Variants in MED12L observed in about 807,000 individuals in gnomAD.
MED12L encodes mediator of RNA polymerase II transcription subunit 12-like protein.
A neutral mutation model predicts 281.3 loss-of-function variants in MED12L; 60 were observed. That is an observed-to-expected ratio of 0.21 (90% CI 0.17 to 0.26). MED12L has a LOEUF of 0.26. Ranked by LOEUF, MED12L falls within the 10% of genes least tolerant of loss-of-function variation. The pLI is 1.00. For missense variants in MED12L, 2,146 were observed against 2,680.9 expected (o/e 0.80, Z 4.41); for synonymous variants, 974 against 987.2 (o/e 0.99, Z 0.25).
intron 5 of MED12L, among the ~76,000 whole-genome samples, chr3:151,134,990 G>A (rs772808943): frequency 1.3e-5 from 2 of 152,040 alleles, no homozygotes; most frequent in Non-Finnish European, 2.9e-5. Context: ...TCAGTTTCTT[G>A]TCTGTAAAAA....
chr3:151,288,752 T>C (rs1219610528), intron 16 of MED12L, among the ~76,000 whole-genome samples: 2 of 152,236 alleles, frequency 1.3e-5, no homozygotes, highest in Non-Finnish European at 2.9e-5. Flanking sequence ...TTTAGTTAAA[T>C]AATACCAGTC....
Position 151,245,302 on chromosome 3 carries a change from C to T in MED12L, c.2250+51636C>T, listed in dbSNP as rs1010303972. The stretch of plus-strand genomic sequence containing the variant: ...GCATCATTCTGATACCAAAGCTGGG[C>T]AGAGACACAACCAACAAAGAGAATT... On this transcript the variant is annotated intron_variant, in intron 16 of 44. Coordinates refer to ENST00000687756, the MANE Select transcript of MED12L (RefSeq NM_001393769.1). Among the ~76,000 whole-genome samples the T allele has an allele frequency of 5.9e-5, 9 of 151,984 alleles. No individual in the cohort carries two copies. The South Asian group carries it at 1.7e-3, about 28-fold the overall frequency.
chr3:151,375,877 A>G (rs879821356), intron 27 of MED12L, 149 bp from the exon 28 acceptor site: 1 of 468,974 alleles, frequency 2.1e-6, no homozygotes, highest in African/African-American at 2.0e-5. Flanking sequence ...GTTTTTTAAA[A>G]TTTTTCTACC....
At position 151,116,498 on chromosome 3, in the gene MED12L, C is replaced by T. The variant is rs140837871; in HGVS notation, c.204+56C>T. On this transcript the variant is annotated intron_variant, in intron 3 of 44. Coordinates refer to ENST00000687756, the MANE Select transcript of MED12L (RefSeq NM_001393769.1). ...CTGAAAAAGTGTGTATATGTGACAC[C>T]CTTAATAATCACTGTTGATAAATTA... The T allele has an allele frequency of 6.0e-5, 64 of 1,066,334 alleles. No individual in the cohort carries two copies. The African/African-American group carries it at 6.1e-4, about 10-fold the overall frequency. 66.1% of individuals were successfully genotyped at this position (1,066,334 alleles called of 1,614,324 possible).
chr3:151,195,068 C>T (rs1576935287), intron 16 of MED12L, among the ~76,000 whole-genome samples: 8 of 152,102 alleles, frequency 5.3e-5, no homozygotes, highest in Admixed American at 5.2e-4. Flanking sequence ...GAGGCTGAGG[C>T]AGGAGAATGG....
rs976262305 is a variant in MED12L at position 151,205,377 on chromosome 3, A to G, written c.2250+11711A>G. 3.3e-5 allele frequency among the ~76,000 whole-genome samples: 5 copies of G among 152,362 alleles called. No homozygotes were observed. The East Asian group carries it at 9.6e-4, about 29-fold the overall frequency. ...AAAAATTAAAGCTAAATTGTCCACC[A>G]AGTTATGAATTGAGAAAGAAAATAT... On this transcript the variant is annotated intron_variant, in intron 16 of 44. Coordinates refer to ENST00000687756, the MANE Select transcript of MED12L (RefSeq NM_001393769.1).
chr3:151,328,625 T>C (rs758720888), intron 16 of MED12L: 4 of 1,613,822 alleles, frequency 2.5e-6, no homozygotes, highest in South Asian at 2.2e-5. Flanking sequence ...TCTGATGATC[T>C]TGAGGAATCT....
chr3:151,344,163 A>G (rs1196305540), intron 16 of MED12L, among the ~76,000 whole-genome samples: 2 of 152,058 alleles, frequency 1.3e-5, no homozygotes, highest in African/African-American at 2.4e-5. Flanking sequence ...TTGCAAGAAG[A>G]GGACTAGTAG....
At chr3:151,397,500 A>G (rs116430299) in intron 39 of MED12L, among the ~76,000 whole-genome samples, 19 of 152,350 alleles carry the variant, frequency 1.2e-4, no homozygotes, top group African/African-American at 3.8e-4. Context: ...TTTCCTCTCA[A>G]TAGATCATGT....
At chr3:151,390,258 C>T in intron 38 of MED12L, 123 bp downstream of exon 38, 2 of 861,356 alleles carry the variant, frequency 2.3e-6, no homozygotes, top group South Asian at 3.5e-5. Flanking sequence ...GTTGACATTT[C>T]TGTAATTCCC....
Position 151,159,986 on chromosome 3 carries a change from C to T in MED12L, c.992C>T (p.Ala331Val), listed in dbSNP as rs1487583760. ...GGACCAAACAACTCGAGTATCGGGGCCCCCAGCCCTGGCCCCCCCGGCCCT... is the reference window on the plus strand; with the variant it reads ...GGACCAAACAACTCGAGTATCGGGGTCCCCAGCCCTGGCCCCCCCGGCCCT... ...MIGPNNSSIG[A>V]PSPGPPGPGM... The change falls in exon 8 of 45, where the codon GCC (alanine) becomes GTC (valine). Residue 331 changes from alanine (A) to valine (V), a missense_variant. Transcript: ENST00000687756. 8 of 1,614,156 alleles carry T rather than the reference C, an allele frequency of 5.0e-6. No homozygotes were observed. The highest frequency in any genetic ancestry group is 2.2e-5 in the East Asian group (1 of 44,888).
chr3:151,434,180 C>T lies in MED12L; in HGVS notation c.*1376C>T, dbSNP rs973938863. On this transcript the variant is annotated 3_prime_UTR_variant, in exon 45 of 45. Coordinates refer to ENST00000687756, the MANE Select transcript of MED12L (RefSeq NM_001393769.1). ...TTTACATATAATATAGTCAAGCATA[C>T]TGTGAATAGACTTGTCTATAATGAG... 1 of 152,144 alleles carries T rather than the reference C, an allele frequency of 6.6e-6. No homozygotes were observed. The highest frequency in any genetic ancestry group is 1.5e-5 in the Non-Finnish European group (1 of 68,022). 9.4% of individuals were successfully genotyped at this position (152,144 alleles called of 1,614,324 possible).
intron 16 of MED12L, among the ~76,000 whole-genome samples, chr3:151,226,905 T>C (rs999816093): frequency 2.6e-5 from 4 of 152,214 alleles, no homozygotes; most frequent in Non-Finnish European, 5.9e-5. Flanking sequence ...CGTTAACCTA[T>C]AAATGGTGGA....
At chr3:151,396,881 C>A (rs564378062) in intron 39 of MED12L, among the ~76,000 whole-genome samples, 1 of 152,256 alleles carries the variant, frequency 6.6e-6, no homozygotes, top group South Asian at 2.1e-4. Context: ...CAAACGATTT[C>A]AGCTAGAAAT....
intron 16 of MED12L, chr3:151,300,321 T>C: frequency 1.7e-6 from 1 of 590,094 alleles, no homozygotes; most frequent in South Asian, 2.0e-5. Flanking sequence ...TCTTTGGAGA[T>C]GAACACCTGG....
intron 16 of MED12L, chr3:151,199,159 A>G (rs1354375915): frequency 6.2e-7 from 1 of 1,614,186 alleles, no homozygotes; most frequent in South Asian, 1.1e-5. Flanking sequence ...AAGGTGCCAC[A>G]CCCAAGTCAA....
intron 16 of MED12L, among the ~76,000 whole-genome samples, chr3:151,248,195 C>T (rs2149434170): frequency 6.6e-6 from 1 of 151,774 alleles, no homozygotes; most frequent in South Asian, 2.1e-4. Context: ...TCAGAAGAAC[C>T]AAGGAAAGGA....
intron 11 of MED12L, among the ~76,000 whole-genome samples, chr3:151,182,546 T>C (rs1722829401): frequency 2.6e-5 from 4 of 152,108 alleles, no homozygotes. Context: ...GATAAGGGGC[T>C]GCTCTGTGAA....
At chr3:151,143,426 GTTTGTTT>G (rs1717325143) in intron 5 of MED12L, among the ~76,000 whole-genome samples, 1 of 152,198 alleles carries the variant, frequency 6.6e-6, no homozygotes, top group Non-Finnish European at 1.5e-5. Flanking sequence ...AGAAAATGTA[GTTTGTTT>G]ATTTTTGCTC....
Sources: gnomAD v4.1 joint callset for allele counts (sites outside exome capture counted in the v4.1 genomes callset) on GRCh38, gnomAD v4.1.1 for gene constraint, MANE v1.5 for transcripts, NCBI Gene and HGNC (gene_info 2026-07-23, HGNC 2026-07-21) for gene names.